Variants in NIBAN2 observed in about 807,000 individuals in gnomAD.
NIBAN2 encodes the protein niban apoptosis regulator 2.
In NIBAN2, 36 loss-of-function variants were observed where a neutral mutation model predicts 81.8. The ratio of observed to expected loss-of-function variants is 0.44; its 90% confidence interval spans 0.34 to 0.58. NIBAN2 has a LOEUF of 0.58. Ranked by LOEUF, NIBAN2 falls within the 20% of genes least tolerant of loss-of-function variation. The pLI, the probability that NIBAN2 is intolerant of heterozygous loss-of-function variation, is 0.02. For missense variants in NIBAN2, 897 were observed against 1,014.1 expected (o/e 0.88, Z 1.57); for synonymous variants, 445 against 441.6 (o/e 1.01, Z -0.10).
Position 127,508,555 on chromosome 9 carries a change from G to A in NIBAN2, c.1318-17C>T, listed in dbSNP as rs113843607. 11,796 of 1,603,384 alleles carry A rather than the reference G, an allele frequency of 7.4e-3. 408 individuals carry two copies. In the African/African-American group the frequency reaches 0.094, roughly 13 times the overall value. The stretch of plus-strand genomic sequence containing the variant: ...GTCCATTTGCTGCAGGGCATACCGC[G>A]GACATGTGAAGCCCCCAGGGTGACC... On this transcript the variant is annotated splice_polypyrimidine_tract_variant and intron_variant, in intron 10 of 13. Coordinates refer to ENST00000373312, the MANE Select transcript of NIBAN2 (RefSeq NM_022833.4). This position sits in a 1 kb window ranked among gnomAD's most constrained non-coding sequence, Gnocchi z 6.4.
chr9:127,545,142 G>A lies in NIBAN2; in HGVS notation c.56-13364C>T, dbSNP rs1837447635. 6.6e-6 allele frequency among the ~76,000 whole-genome samples: 1 copy of A among 152,130 alleles called. No individual in the cohort carries two copies. The highest frequency in any genetic ancestry group is 2.1e-4 in the South Asian group (1 of 4,828). ...GAGGAAATCTGGCCTCTGGCCTTGG[G>A]GTCCCACGTCTACAGTGCCCTCCTA... On this transcript the variant is annotated intron_variant, in intron 1 of 13. Transcript: ENST00000373312. The surrounding 1 kb of genome is among the most constrained non-coding windows in gnomAD (Gnocchi z 4.7).
At position 127,528,359 on chromosome 9, in the gene NIBAN2, TAC is replaced by T. The variant is rs141253041; in HGVS notation, c.187-1039_187-1038del. ...TTGGATGGGAGGGAACCCAGGAGAG[TAC>T]AGTGTTCCTCTGCAAATTCTATTTG... On this transcript the variant is annotated intron_variant, in intron 2 of 13. Transcript: ENST00000373312. Among the ~76,000 whole-genome samples the T allele has an allele frequency of 3.8e-3, 574 of 152,110 alleles. 7 individuals are homozygous for T. The East Asian group carries it at 0.043, about 11-fold the overall frequency.
intron 9 of NIBAN2, among the ~76,000 whole-genome samples, chr9:127,509,713 G>A (rs1415391180): frequency 6.6e-6 from 1 of 151,322 alleles, no homozygotes; most frequent in South Asian, 2.1e-4. Flanking sequence ...GAGGGCGCGT[G>A]ACTTGTGAAT....
At position 127,517,166 on chromosome 9, in the gene NIBAN2, C is replaced by T. The variant is rs748844097; in HGVS notation, c.756G>A (p.Glu252=). Residue 252 remains glutamate (E), a synonymous_variant, in exon 7 of 14, where the codon GAG becomes GAA. Transcript: ENST00000373312. The surrounding 1 kb of genome is among the most constrained non-coding windows in gnomAD (Gnocchi z 4.0). ...GTTTCCCCTTCAGCCGCGGGCCGAG[C>T]TCTGCCTTCAGCTCAGGGCCCAGCT... is the stretch of plus-strand genomic sequence containing the variant. The part of the protein sequence containing the change: ...MEELGPELKA[E]LGPRLKGKPQ... 5.0e-6 allele frequency: 8 copies of T among 1,614,074 alleles called. No individual in the cohort carries two copies. The highest frequency in any genetic ancestry group is 6.8e-6 in the Non-Finnish European group (8 of 1,179,996).
chr9:127,513,709 A>G (rs1421880362), intron 8 of NIBAN2, among the ~76,000 whole-genome samples: 1 of 152,214 alleles, frequency 6.6e-6, no homozygotes, highest in Non-Finnish European at 1.5e-5. Flanking sequence ...TTAGCATGTC[A>G]TCAGAAATAA....
At chr9:127,564,445 G>A (rs964224587) in intron 1 of NIBAN2, among the ~76,000 whole-genome samples, 9 of 152,040 alleles carry the variant, frequency 5.9e-5, no homozygotes, top group African/African-American at 1.9e-4. Flanking sequence ...CAGAGGGCTG[G>A]GTAGACAAAC....
At position 127,568,829 on chromosome 9, in the gene NIBAN2, G is replaced by A. The variant is rs1311548936; in HGVS notation, c.46C>T (p.His16Tyr). The change falls in exon 1 of 14, where the codon CAC becomes TAC. Residue 16 changes from histidine to tyrosine, a missense_variant. This residue lies in a region of NIBAN2 where 209 missense variants were observed against 208.4 expected (regional missense o/e 1.00). Transcript: ENST00000373312. Reference protein sequence around the residue: ...STHLDDARRQHIAEKTGKILT... With the variant: ...STHLDDARRQYIAEKTGKILT... The stretch of plus-strand genomic sequence containing the variant: ...GCGGCGCGACCCTCACCTGCGATGT[G>A]CTGGCGCCGGGCGTCGTCCAGGTGC... The A allele has an allele frequency of 4.4e-6, 6 of 1,368,608 alleles. No individual in the cohort carries two copies. Among genetic ancestry groups the A allele is most frequent in the East Asian group, 3.3e-5 (1 of 30,128 alleles). The allele number at this position is 1,368,608 out of a possible 1,614,324, so 84.8% of individuals were successfully genotyped here.
chr9:127,515,087 G>A (rs115317809), intron 8 of NIBAN2, among the ~76,000 whole-genome samples: 1 of 152,168 alleles, frequency 6.6e-6, no homozygotes, highest in Non-Finnish European at 1.5e-5. Context: ...TTAGCCAGGC[G>A]TGGTGGCCTG....
intron 5 of NIBAN2, among the ~76,000 whole-genome samples, chr9:127,519,159 A>G (rs181119555): frequency 0.014 from 1,870 of 134,720 alleles, 46 homozygotes; most frequent in African/African-American, 0.05. Flanking sequence ...TGGGCAACAG[A>G]GTAAGACTCT....
chr9:127,545,170 G>A lies in NIBAN2; in HGVS notation c.56-13392C>T, dbSNP rs2132212640. On this transcript the variant is annotated intron_variant, in intron 1 of 13. Coordinates refer to ENST00000373312, the MANE Select transcript of NIBAN2 (RefSeq NM_022833.4). The surrounding 1 kb of genome is among the most constrained non-coding windows in gnomAD (Gnocchi z 4.7). ...CCCACGTCTACAGTGCCCTCCTAGC[G>A]TCCACCCCTTGTGCCTGGCCAACTC... Among the ~76,000 whole-genome samples, 1 of 152,226 alleles carries A rather than the reference G, an allele frequency of 6.6e-6. No homozygotes were observed. Among genetic ancestry groups the A allele is most frequent in the Admixed American group, 6.5e-5 (1 of 15,292 alleles).
chr9:127,516,751 G>T, intron 8 of NIBAN2, 106 bp downstream of exon 8: 2 of 1,197,014 alleles, frequency 1.7e-6, no homozygotes, highest in Non-Finnish European at 1.2e-6. Flanking sequence ...TCTTACAAAT[G>T]ATCAATGAGC....
intron 8 of NIBAN2, among the ~76,000 whole-genome samples, chr9:127,514,587 T>A (rs746640329): frequency 2.0e-5 from 3 of 152,168 alleles, no homozygotes; most frequent in Admixed American, 1.3e-4. Context: ...ACAACAGCAA[T>A]GAAAAATACC....
At chr9:127,569,652 C>T (rs1184852031), upstream of NIBAN2, among the ~76,000 whole-genome samples, 1 of 152,120 alleles carries the variant, frequency 6.6e-6, no homozygotes, top group Non-Finnish European at 1.5e-5. Context: ...CGCCACTGCC[C>T]GCGCTCAGGA....
At chr9:127,542,406 G>C (rs1456745393) in intron 1 of NIBAN2, among the ~76,000 whole-genome samples, 2 of 152,158 alleles carry the variant, frequency 1.3e-5, no homozygotes, top group Non-Finnish European at 2.9e-5. Flanking sequence ...CCTGCTCCTG[G>C]GGCAGGGCCT....
At chr9:127,544,886 A>G (rs1028494783) in intron 1 of NIBAN2, among the ~76,000 whole-genome samples, 6 of 152,142 alleles carry the variant, frequency 3.9e-5, no homozygotes, top group Admixed American at 6.5e-5. Flanking sequence ...ACATACTCCT[A>G]AGAGGCCACT....
At chr9:127,509,926 C>T in intron 9 of NIBAN2, 1 of 360,156 alleles carries the variant, frequency 2.8e-6, no homozygotes, top group East Asian at 4.0e-5. Flanking sequence ...AGGCTGGTGG[C>T]CGGGAGCTAA....
At chr9:127,577,224 C>T (rs937284818) in intron 1 of NIBAN2, among the ~76,000 whole-genome samples, 3 of 152,028 alleles carry the variant, frequency 2.0e-5, no homozygotes, top group African/African-American at 7.2e-5. Flanking sequence ...ACAAGAATCA[C>T]TTGAACCAGA....
Position 127,506,911 on chromosome 9 carries a change from G to T in NIBAN2, c.2175C>A (p.Ser725Arg). Reference sequence around the variant, plus strand: ...TGTGGAGGGCGGGGTGGCTGCTGGGGCTGGACACCTGCTCTCCAGTCTCCT... The same window carrying T: ...TGTGGAGGGCGGGGTGGCTGCTGGGTCTGGACACCTGCTCTCCAGTCTCCT... ...SDQETGEQVS[S>R]PSSHPALHTT... Residue 725 changes from serine (S) to arginine (R), a missense_variant, in exon 14 of 14, where the codon AGC (serine) becomes AGA (arginine). Ser to Arg is a moderately radical substitution (Grantham distance 110). Coordinates refer to ENST00000373312, the MANE Select transcript of NIBAN2 (RefSeq NM_022833.4). The T allele has an allele frequency of 6.2e-7, 1 of 1,612,520 alleles. No homozygotes were observed. The highest frequency in any genetic ancestry group is 8.5e-7 in the Non-Finnish European group (1 of 1,179,540).
At chr9:127,511,254 G>A (rs1358557666) in intron 8 of NIBAN2, among the ~76,000 whole-genome samples, 3 of 151,992 alleles carry the variant, frequency 2.0e-5, no homozygotes, top group Non-Finnish European at 4.4e-5. Flanking sequence ...CACCATATTG[G>A]CCAGGCTGGT....
Sources: gnomAD v4.1 joint callset for allele counts (sites outside exome capture counted in the v4.1 genomes callset) on GRCh38, gnomAD v4.1.1 for gene constraint, gnomAD v4.1.1 regional missense constraint, Gnocchi (gnomAD v3.1) non-coding constraint, MANE v1.5 for transcripts, NCBI Gene and HGNC (gene_info 2026-07-23, HGNC 2026-07-21) for gene names.